The following PTPRD variants were observed in gnomAD, a reference collection of about 807,000 sequenced individuals.
The protein encoded by PTPRD is protein tyrosine phosphatase receptor type D.
A neutral mutation model predicts 214.5 loss-of-function variants in PTPRD; 34 were observed. The observed-to-expected ratio is 0.16, with a 90% CI of 0.12 to 0.21. The LOEUF (loss-of-function observed/expected upper bound fraction) is 0.21. Ranked by LOEUF, PTPRD falls within the 10% of genes least tolerant of loss-of-function variation. The pLI is 1.00. For missense variants in PTPRD, 2,545 were observed against 2,398.7 expected, an observed-to-expected ratio of 1.06 and a Z score of -1.27; for synonymous variants, 1,128 against 845.7, an observed-to-expected ratio of 1.33 and a Z score of -5.79.
intron 10 of PTPRD, among the ~76,000 whole-genome samples, chr9:9,053,917 G>C (rs1056769250): frequency 6.6e-6 from 1 of 152,084 alleles, no homozygotes; most frequent in Non-Finnish European, 1.5e-5. Context: ...AAGAACATGA[G>C]ATAAGAAAAT....
At chr9:8,823,386 C>T (rs1438107430) in intron 11 of PTPRD, among the ~76,000 whole-genome samples, 1 of 152,288 alleles carries the variant, frequency 6.6e-6, no homozygotes, top group Non-Finnish European at 1.5e-5. Flanking sequence ...ATACATAGCC[C>T]TTCCCCACCT....
intron 5 of PTPRD, among the ~76,000 whole-genome samples, chr9:9,864,073 A>G (rs12005937): frequency 0.088 from 13,348 of 152,112 alleles, 1,411 homozygotes; most frequent in African/African-American, 0.26. Flanking sequence ...AGGAGGCCGA[A>G]GTGGGTGGAA....
Position 9,153,155 on chromosome 9 carries a change from A to G in PTPRD, c.-143+30149T>C, listed in dbSNP as rs571172457. Among the ~76,000 whole-genome samples, 6 of 152,350 alleles carry G rather than the reference A, an allele frequency of 3.9e-5. No homozygotes were observed. In the East Asian group the frequency reaches 1.2e-3, roughly 29 times the overall value. On this transcript the variant is annotated intron_variant, in intron 10 of 45. Coordinates refer to ENST00000381196, the MANE Select transcript of PTPRD (RefSeq NM_002839.4). ...ATGTGAAGGAGGGAATTAAACCTGT[A>G]ACTCAGCCAGTTTTAAAGTAAGCTT...
intron 7 of PTPRD, among the ~76,000 whole-genome samples, chr9:9,638,572 A>C (rs1043616856): frequency 1.3e-5 from 2 of 152,132 alleles, no homozygotes; most frequent in East Asian, 1.9e-4. Flanking sequence ...CCCTCACCTG[A>C]ATCACCCTAA....
At chr9:9,326,064 G>A (rs1289615727) in intron 9 of PTPRD, among the ~76,000 whole-genome samples, 2 of 152,070 alleles carry the variant, frequency 1.3e-5, no homozygotes, top group East Asian at 3.9e-4. Flanking sequence ...TGGTGGATAA[G>A]CTTTTTGATG....
At chr9:10,516,706 G>T (rs897355060) in intron 2 of PTPRD, among the ~76,000 whole-genome samples, 4 of 151,956 alleles carry the variant, frequency 2.6e-5, no homozygotes, top group Admixed American at 6.6e-5. Flanking sequence ...AGAGTTTCAA[G>T]TCTCATGTTC....
At chr9:10,210,042 A>C (rs1292506887) in intron 3 of PTPRD, among the ~76,000 whole-genome samples, 1 of 152,166 alleles carries the variant, frequency 6.6e-6, no homozygotes, top group Non-Finnish European at 1.5e-5. Context: ...AATAATTTTA[A>C]AAGGTGAAAA....
At chr9:8,376,750 C>T in intron 37 of PTPRD, 24 bp from the exon 38 acceptor site, 2 of 1,612,184 alleles carry the variant, frequency 1.2e-6, no homozygotes, top group Non-Finnish European at 8.5e-7. Context: ...GTGACACATT[C>T]AGGGCAAATG....
chr9:10,015,756 C>T (rs1205059400), intron 4 of PTPRD, among the ~76,000 whole-genome samples: 1 of 152,166 alleles, frequency 6.6e-6, no homozygotes, highest in African/African-American at 2.4e-5. Context: ...CAGCCAGCAG[C>T]TGCCACCATT....
chr9:9,026,669 T>G (rs2099588278), intron 10 of PTPRD, among the ~76,000 whole-genome samples: 1 of 152,098 alleles, frequency 6.6e-6, no homozygotes, highest in African/African-American at 2.4e-5. Flanking sequence ...TTTTTAAAGG[T>G]ATTTGCCAGT....
intron 14 of PTPRD, among the ~76,000 whole-genome samples, chr9:8,560,997 T>C (rs1344499491): frequency 1.3e-5 from 2 of 151,092 alleles, no homozygotes; most frequent in Non-Finnish European, 2.9e-5. Flanking sequence ...CCTAGTCAGA[T>C]GGGGCAGGAT....
chr9:8,486,912 G>A (rs1362433470), intron 27 of PTPRD, among the ~76,000 whole-genome samples: 1 of 152,074 alleles, frequency 6.6e-6, no homozygotes, highest in African/African-American at 2.4e-5. Flanking sequence ...TGTAACAAGT[G>A]AGAAATCTAT....
chr9:9,272,510 T>C (rs538084026), intron 9 of PTPRD, among the ~76,000 whole-genome samples: 1 of 151,282 alleles, frequency 6.6e-6, no homozygotes, highest in South Asian at 2.1e-4. Context: ...GAGCCAAACT[T>C]GGTGGAATAA....
intron 14 of PTPRD, among the ~76,000 whole-genome samples, chr9:8,570,004 T>C (rs1564419165): frequency 6.6e-6 from 1 of 152,056 alleles, no homozygotes; most frequent in African/African-American, 2.4e-5. Context: ...CGTAATGAAG[T>C]TGTAGTGGAA....
chr9:8,368,364 G>C (rs899679480), intron 39 of PTPRD, among the ~76,000 whole-genome samples: 1 of 152,100 alleles, frequency 6.6e-6, no homozygotes, highest in African/African-American at 2.4e-5. Flanking sequence ...TCTGTAAACA[G>C]TCACTTACAA....
At chr9:8,523,851 A>C (rs1004305231) in intron 18 of PTPRD, among the ~76,000 whole-genome samples, 1 of 152,204 alleles carries the variant, frequency 6.6e-6, no homozygotes, top group East Asian at 1.9e-4. Context: ...GACTTTCTTC[A>C]TATTTCCCCA....
chr9:9,953,483 G>C (rs989231376), intron 4 of PTPRD, among the ~76,000 whole-genome samples: 3 of 147,038 alleles, frequency 2.0e-5, no homozygotes, highest in African/African-American at 7.8e-5. Context: ...TTAAAATAGA[G>C]GGAATTGTGG....
chr9:9,157,562 A>C (rs1172641293), intron 10 of PTPRD, among the ~76,000 whole-genome samples: 1 of 152,214 alleles, frequency 6.6e-6, no homozygotes, highest in African/African-American at 2.4e-5. Flanking sequence ...CCAAGATTGA[A>C]TTATGAATCA....
At chr9:9,500,635 G>C in intron 8 of PTPRD, among the ~76,000 whole-genome samples, 1 of 152,040 alleles carries the variant, frequency 6.6e-6, no homozygotes, top group East Asian at 1.9e-4. Flanking sequence ...AATATTAAAG[G>C]AAGTTCATTA....
Sources: gnomAD v4.1 joint callset for allele counts (sites outside exome capture counted in the v4.1 genomes callset) on GRCh38, gnomAD v4.1.1 for gene constraint, MANE v1.5 for transcripts, NCBI Gene and HGNC (gene_info 2026-07-23, HGNC 2026-07-21) for gene names.